Variants in FGFR4 observed in about 807,000 individuals in gnomAD.
FGFR4 encodes the protein hydroxyaryl-protein kinase.
A neutral mutation model predicts 89.9 loss-of-function variants in FGFR4; 63 were observed. The ratio of observed to expected loss-of-function variants is 0.70; its 90% CI spans 0.57 to 0.86. The LOEUF is 0.86. Among genes scored for constraint, FGFR4 ranks in the 40% least tolerant of loss-of-function variants. The pLI is 0.00. For missense variants in FGFR4, 928 were observed against 1,106.7 expected (o/e 0.84, Z 2.29); for synonymous variants, 486 against 479.4 (o/e 1.01, Z -0.18).
rs374011645 is a variant in FGFR4 at position 177,093,547 on chromosome 5, G to A, written c.1393G>A (p.Asp465Asn). 2.3e-5 allele frequency: 37 copies of A among 1,613,540 alleles called. No homozygotes were observed. In the Admixed American group the frequency reaches 2.8e-4, roughly 12 times the overall value. Residue 465 changes from aspartate to asparagine, a missense_variant, in exon 10 of 18, where the codon GAC becomes AAC. Asp to Asn is a conservative substitution (Grantham distance 23). Coordinates refer to ENST00000292408, the MANE Select transcript of FGFR4 (RefSeq NM_213647.3). The surrounding 1 kb of genome is among the most constrained non-coding windows in gnomAD (Gnocchi z 5.8). ...PLDPLWEFPR[D>N]RLVLGKPLGE... is the part of the protein sequence containing the mutation. ...CGACCCACTATGGGAGTTCCCCCGGGACAGGTGCGCTGAGCTGTGTGGGGG... is the reference window on the plus strand; with the variant it reads ...CGACCCACTATGGGAGTTCCCCCGGAACAGGTGCGCTGAGCTGTGTGGGGG...
rs747160711 is a variant in FGFR4, at chr5:177,091,105, G to T, written c.603+1G>T. On this transcript the variant is annotated splice_donor_variant, in intron 5 of 17. Transcript: ENST00000292408. LOFTEE classifies it high-confidence loss of function. ...GGAGAACCGCATTGGAGGCATTCGGGTGAGTCTCTGGGTTCCAAGACCGTC... is the reference window on the plus strand; with the variant it reads ...GGAGAACCGCATTGGAGGCATTCGGTTGAGTCTCTGGGTTCCAAGACCGTC... 6.4e-7 allele frequency: 1 copy of T among 1,567,022 alleles called. No individual in the cohort carries two copies. Among genetic ancestry groups the T allele is most frequent in the African/African-American group, 1.3e-5 (1 of 74,170 alleles).
chr5:177,089,796 C>A, intron 2 of FGFR4, 103 bp downstream of exon 2: 1 of 1,466,904 alleles, frequency 6.8e-7, no homozygotes, highest in South Asian at 1.2e-5. Flanking sequence ...TGCCCAGGCC[C>A]TGAGAAGGTG....
Position 177,095,551 on chromosome 5 carries a change from T to G in FGFR4, c.1649T>G (p.Val550Gly). ...CTQEGPLYVI[V>G]ECAAKGNLRE... is the part of the protein sequence containing the mutation. ...TCTGCAGGGCCCCTGTACGTGATCG[T>G]GGAGTGCGCCGCCAAGGGAAACCTG... Residue 550 changes from valine to glycine, a missense_variant, in exon 13 of 18, where the codon GTG (valine) becomes GGG (glycine). Physicochemically the swap from Val to Gly is moderately radical, Grantham distance 109. Coordinates refer to ENST00000292408, the MANE Select transcript of FGFR4 (RefSeq NM_213647.3). The surrounding 1 kb of genome is among the most constrained non-coding windows in gnomAD (Gnocchi z 5.7). 1 of 1,610,550 alleles carries G rather than the reference T, an allele frequency of 6.2e-7. No individual in the cohort carries two copies. Among genetic ancestry groups the G allele is most frequent in the Non-Finnish European group, 8.5e-7 (1 of 1,178,530 alleles).
Position 177,092,431 on chromosome 5 carries a change from C to A in FGFR4, c.838C>A (p.His280Asn), listed in dbSNP as rs2149733892. 1 of 1,606,228 alleles carries A rather than the reference C, an allele frequency of 6.2e-7. No homozygotes were observed. Among genetic ancestry groups the A allele is most frequent in the East Asian group, 2.2e-5 (1 of 44,480 alleles). ...CAAGGTGTACAGCGATGCCCAGCCC[C>A]ACATCCAGTGGCTGAAGCACATCGT... Reference protein sequence around the residue: ...LCKVYSDAQPHIQWLKHIVIN... With the variant: ...LCKVYSDAQPNIQWLKHIVIN... The change falls in exon 7 of 18, where the codon CAC (histidine) becomes AAC (asparagine). Residue 280 changes from histidine (H) to asparagine (N), a missense_variant. This residue lies in a region of FGFR4 where 741 missense variants were observed against 836.9 expected (regional missense o/e 0.89). Transcript: ENST00000292408.
Position 177,096,336 on chromosome 5 carries a change from T to G in FGFR4, c.1994T>G (p.Val665Gly). Residue 665 changes from valine (V) to glycine (G), a missense_variant, in exon 15 of 18, where the codon GTG (valine) becomes GGG (glycine). This residue lies in a region of FGFR4 where 27 missense variants were observed against 64.4 expected (regional missense o/e 0.42). Coordinates refer to ENST00000292408, the MANE Select transcript of FGFR4 (RefSeq NM_213647.3). Reference sequence around the variant, plus strand: ...GCGCCCGAGGCCTTGTTTGACCGGGTGTACACACACCAGAGTGACGTGTGA... The same window carrying G: ...GCGCCCGAGGCCTTGTTTGACCGGGGGTACACACACCAGAGTGACGTGTGA... ...WMAPEALFDRVYTHQSDVWSF... is the reference protein window; with the variant it reads ...WMAPEALFDRGYTHQSDVWSF... 1 of 1,613,958 alleles carries G rather than the reference T, an allele frequency of 6.2e-7. No homozygotes were observed. The highest frequency in any genetic ancestry group is 1.3e-5 in the African/African-American group (1 of 75,022).
At position 177,092,790 on chromosome 5, in the gene FGFR4, C is replaced by T. The variant is rs1413463634; in HGVS notation, c.1057+6C>T. 1.2e-6 allele frequency: 2 copies of T among 1,614,234 alleles called. No individual in the cohort carries two copies. The highest frequency in any genetic ancestry group is 2.2e-5 in the South Asian group (2 of 91,084). ...CTGGCTCACGGTGCTGCCAGGTGAG[C>T]ACCTGAAGGGCCAGGAGATGCTGCG... On this transcript the variant is annotated splice_donor_region_variant and intron_variant, in intron 8 of 17. Coordinates refer to ENST00000292408, the MANE Select transcript of FGFR4 (RefSeq NM_213647.3).
intron 5 of FGFR4, 50 bp downstream of exon 5, chr5:177,091,154 A>T: frequency 1.3e-6 from 2 of 1,493,394 alleles, no homozygotes; most frequent in Non-Finnish European, 1.8e-6. Flanking sequence ...TCATTCCTTC[A>T]TCAGTCCCCT....
At chr5:177,092,297 T>A (rs1414269930) in intron 6 of FGFR4, 24 bp from the exon 7 acceptor site, 1 of 1,531,188 alleles carries the variant, frequency 6.5e-7, no homozygotes, top group Non-Finnish European at 8.8e-7. Context: ...GTGGTCAGGG[T>A]TGACTGTCTC....
At chr5:177,088,850 C>G (rs1356847527) in intron 1 of FGFR4, among the ~76,000 whole-genome samples, 1 of 87,950 alleles carries the variant, frequency 1.1e-5, no homozygotes, top group African/African-American at 3.7e-5. Flanking sequence ...ATCCTCAAAA[C>G]AGTCCTATGA....
Position 177,097,684 on chromosome 5 carries a change from T to C in FGFR4, c.*8T>C, listed in dbSNP as rs2149741156. ...TCTGGGGTGCAGACATGAGCAAGGC[T>C]CAAGGCTGTGCAGGCACATAGGCTG... On this transcript the variant is annotated 3_prime_UTR_variant, in exon 18 of 18. Transcript: ENST00000292408. 1 of 1,613,330 alleles carries C rather than the reference T, an allele frequency of 6.2e-7. No individual in the cohort carries two copies.
rs1357988712 is a variant in FGFR4 at position 177,093,619 on chromosome 5, T to C, written c.1398-35T>C. On this transcript the variant is annotated intron_variant, in intron 10 of 17. Coordinates refer to ENST00000292408, the MANE Select transcript of FGFR4 (RefSeq NM_213647.3). The surrounding 1 kb of genome is among the most constrained non-coding windows in gnomAD (Gnocchi z 5.8). ...GCAGCCCGCCCTCCGCAGGAGTGAC[T>C]CGGAGGTCTGAGGCTGGACTTTCTC... The C allele has an allele frequency of 6.2e-7, 1 of 1,613,992 alleles. No individual in the cohort carries two copies. Among genetic ancestry groups the C allele is most frequent in the Non-Finnish European group, 8.5e-7 (1 of 1,179,936 alleles).
Position 177,093,068 on chromosome 5 carries a change from G to A in FGFR4, c.1058-70G>A. 1 of 1,587,876 alleles carries A rather than the reference G, an allele frequency of 6.3e-7. No individual in the cohort carries two copies. The highest frequency in any genetic ancestry group is 8.6e-7 in the Non-Finnish European group (1 of 1,157,894). ...TTGGGAGCTGGGAGGGACTGAGTTAGGGTGCACGGGGCGGCCAGTCTCACC... is the reference window on the plus strand; with the variant it reads ...TTGGGAGCTGGGAGGGACTGAGTTAAGGTGCACGGGGCGGCCAGTCTCACC... On this transcript the variant is annotated intron_variant, in intron 8 of 17. Transcript: ENST00000292408. The surrounding 1 kb of genome is among the most constrained non-coding windows in gnomAD (Gnocchi z 5.8).
At position 177,096,590 on chromosome 5, in the gene FGFR4, G is replaced by A. The variant is rs767889029; in HGVS notation, c.2016-14G>A. The A allele has an allele frequency of 9.3e-6, 15 of 1,613,340 alleles. No homozygotes were observed. Among genetic ancestry groups the A allele is most frequent in the Non-Finnish European group, 1.3e-5 (15 of 1,179,676 alleles). The stretch of plus-strand genomic sequence containing the variant: ...AGGGCGCTGAGCCACACTGAGCCCT[G>A]GCCCTACCTCCAGGTGGTCTTTTGG... On this transcript the variant is annotated splice_polypyrimidine_tract_variant and intron_variant, in intron 15 of 17. Transcript: ENST00000292408.
intron 11 of FGFR4, among the ~76,000 whole-genome samples, chr5:177,094,547 C>CA (rs1352065504): frequency 6.6e-6 from 1 of 151,930 alleles, no homozygotes; most frequent in Non-Finnish European, 1.5e-5. Flanking sequence ...GTCTGCCCCC[C>CA]ACGTCCACTG....
At position 177,090,601 on chromosome 5, in the gene FGFR4, C is replaced by G. The variant is rs1784330688; in HGVS notation, c.303C>G (p.Cys101Trp). Reference sequence around the variant, plus strand: ...CTGAGGATGCTGGCCGCTACCTCTGCCTGGCACGAGGCTCCATGATCGTCC... The same window carrying G: ...CTGAGGATGCTGGCCGCTACCTCTGGCTGGCACGAGGCTCCATGATCGTCC... ...FLPEDAGRYL[C>W]LARGSMIVLQ... Residue 101 changes from cysteine to tryptophan, a missense_variant, in exon 3 of 18, where the codon TGC becomes TGG. Physicochemically the swap from Cys to Trp is radical, Grantham distance 215. Transcript: ENST00000292408. The G allele has an allele frequency of 6.6e-7, 1 of 1,522,950 alleles. No individual in the cohort carries two copies. The highest frequency in any genetic ancestry group is 2.2e-5 in the Admixed American group (1 of 45,166). 94.3% of individuals were successfully genotyped at this position (1,522,950 alleles called of 1,614,324 possible).
chr5:177,092,787 G>A lies in FGFR4; in HGVS notation c.1057+3G>A, dbSNP rs761167215. 10 of 1,614,120 alleles carry A rather than the reference G, an allele frequency of 6.2e-6. No individual in the cohort carries two copies. The African/African-American group carries it at 9.3e-5, about 15-fold the overall frequency. ...TGCCTGGCTCACGGTGCTGCCAGGTGAGCACCTGAAGGGCCAGGAGATGCT... is the reference window on the plus strand; with the variant it reads ...TGCCTGGCTCACGGTGCTGCCAGGTAAGCACCTGAAGGGCCAGGAGATGCT... On this transcript the variant is annotated splice_donor_region_variant and intron_variant, in intron 8 of 17. Transcript: ENST00000292408.
chr5:177,092,935 C>A, intron 8 of FGFR4, 151 bp downstream of exon 8: 1 of 1,345,732 alleles, frequency 7.4e-7, no homozygotes, highest in Non-Finnish European at 1.0e-6. Flanking sequence ...TGTATGACAG[C>A]CCCTCTGTGC....
Position 177,095,980 on chromosome 5 carries a change from C to T in FGFR4, c.1822-77C>T. 1 of 1,544,772 alleles carries T rather than the reference C, an allele frequency of 6.5e-7. No individual in the cohort carries two copies. Among genetic ancestry groups the T allele is most frequent in the East Asian group, 2.3e-5 (1 of 43,574 alleles). ...TAAAGTGGGTGGAGGGCCCCTGCCC[C>T]CGGGCCTGCTGGGGGGTGGTGTGTG... On this transcript the variant is annotated intron_variant, in intron 13 of 17. Transcript: ENST00000292408. This position sits in a 1 kb window ranked among gnomAD's most constrained non-coding sequence, Gnocchi z 5.7.
At chr5:177,091,205 A>G in intron 5 of FGFR4, 101 bp downstream of exon 5, 2 of 1,425,076 alleles carry the variant, frequency 1.4e-6, no homozygotes, top group Non-Finnish European at 1.9e-6. Context: ...GAATGAGTGA[A>G]GCGATTGCGG....
Sources: gnomAD v4.1 joint callset for allele counts (sites outside exome capture counted in the v4.1 genomes callset) on GRCh38, gnomAD v4.1.1 for gene constraint, gnomAD v4.1.1 regional missense constraint, Gnocchi (gnomAD v3.1) non-coding constraint, MANE v1.5 for transcripts, NCBI Gene and HGNC (gene_info 2026-07-23, HGNC 2026-07-21) for gene names.